IKBKB: variants seen among roughly 807,000 people sequenced by gnomAD.
IKBKB encodes the protein inhibitor of nuclear factor kappa B kinase subunit beta, also known as inhibitor of nuclear factor kappa-B kinase subunit beta.
A neutral mutation model predicts 113.6 loss-of-function variants in IKBKB; 42 were observed. The observed-to-expected ratio is 0.37, with a 90% CI of 0.29 to 0.48. The LOEUF (loss-of-function observed/expected upper bound fraction) is 0.48. Among genes scored for constraint, IKBKB ranks in the 20% least tolerant of loss-of-function variants. The pLI, the probability that IKBKB is intolerant of heterozygous loss-of-function variation, is 0.99. For synonymous variants in IKBKB, 296 were observed against 361.3 expected (o/e 0.82, Z 2.05); for missense variants, 673 against 939.7 (o/e 0.72, Z 3.71).
intron 4 of IKBKB, among the ~76,000 whole-genome samples, chr8:42,291,350 T>G (rs1035374840): frequency 1.3e-5 from 2 of 152,044 alleles, no homozygotes; most frequent in East Asian, 1.9e-4. Context: ...CCTGGCTAAT[T>G]TTTGTATTTT....
intron 5 of IKBKB, among the ~76,000 whole-genome samples, chr8:42,303,142 GAGAA>G (rs1195453718): frequency 9.6e-5 from 12 of 125,034 alleles, no homozygotes; most frequent in African/African-American, 3.2e-4. Flanking sequence ...AGAGAGGAGA[GAGAA>G]TGAGAGAGAG....
chr8:42,275,176 A>AT (rs1373466125), intron 2 of IKBKB, among the ~76,000 whole-genome samples: 98 of 140,118 alleles, frequency 7.0e-4, no homozygotes, highest in East Asian at 1.5e-3. Flanking sequence ...TGTGCCTGGC[A>AT]TTTTTTTTTT....
chr8:42,312,100 A>G (rs1054128111), intron 8 of IKBKB, among the ~76,000 whole-genome samples: 31 of 152,128 alleles, frequency 2.0e-4, no homozygotes, highest in African/African-American at 4.8e-4. Context: ...GTTAGCCAGG[A>G]TGGTCTCGAT....
At chr8:42,307,272 G>A (rs1484967635) in intron 7 of IKBKB, among the ~76,000 whole-genome samples, 5 of 152,144 alleles carry the variant, frequency 3.3e-5, no homozygotes, top group South Asian at 2.1e-4. Flanking sequence ...GGCTGGAACC[G>A]AGCACAAAAG....
rs866755444 is a variant in IKBKB, at chr8:42,328,268, T to A, written c.2115-856T>A. On this transcript the variant is annotated intron_variant, in intron 20 of 21. Coordinates refer to ENST00000520810, the MANE Select transcript of IKBKB (RefSeq NM_001556.3). ...GGCCCTTTTTTTTTTTTTTTTTTTT[T>A]AAATAAAAATTATTTCCCCAACCTC... Among the ~76,000 whole-genome samples the A allele has an allele frequency of 1.4e-3, 209 of 147,634 alleles. 1 individual carries two copies. Among genetic ancestry groups the A allele is most frequent in the African/African-American group, 4.1e-3 (162 of 39,570 alleles).
At chr8:42,306,754 C>G (rs1816620318) in intron 7 of IKBKB, among the ~76,000 whole-genome samples, 1 of 152,210 alleles carries the variant, frequency 6.6e-6, no homozygotes, top group Non-Finnish European at 1.5e-5. Context: ...AGCGGTCCTC[C>G]CACCTCAGCC....
chr8:42,291,636 TCCTCCAGGCCCTTGTG>T lies in IKBKB; in HGVS notation c.318+1368_318+1383del, dbSNP rs374961458. 9.8e-3 allele frequency among the ~76,000 whole-genome samples: 1,492 copies of T among 152,304 alleles called. 26 individuals carry two copies. Among genetic ancestry groups the T allele is most frequent in the African/African-American group, 0.034 (1,416 of 41,570 alleles). On this transcript the variant is annotated intron_variant, in intron 4 of 21. Coordinates refer to ENST00000520810, the MANE Select transcript of IKBKB (RefSeq NM_001556.3). ...ACACTTCAGGTGCTGTTCTCACTGTTCCTCCAGGCCCTTGTGCCTCTTAAAAAAAAATTTTTTTTTC... is the reference window on the plus strand; with the variant it reads ...ACACTTCAGGTGCTGTTCTCACTGTTCCTCTTAAAAAAAAATTTTTTTTTC...
chr8:42,303,060 G>GGAGAGAGAGA (rs34921450), intron 5 of IKBKB, among the ~76,000 whole-genome samples: 6 of 114,246 alleles, frequency 5.3e-5, no homozygotes, highest in African/African-American at 2.2e-4. Flanking sequence ...TTGCCGAGAG[G>GGAGAGAGAGA]GAGAGAGAGA....
chr8:42,295,202 T>A (rs1813503225), intron 5 of IKBKB, among the ~76,000 whole-genome samples: 1 of 137,136 alleles, frequency 7.3e-6, no homozygotes, highest in Non-Finnish European at 1.5e-5. Flanking sequence ...CACTGCAACC[T>A]CTGCCTCCTG....
chr8:42,317,240 T>A (rs1050486483), intron 11 of IKBKB: 19 of 444,330 alleles, frequency 4.3e-5, no homozygotes, highest in Middle Eastern at 6.5e-4. Flanking sequence ...TGCTGCACTT[T>A]CTTGAGTCAA....
At chr8:42,325,875 C>T (rs1820643866) in intron 19 of IKBKB, 95 bp from the exon 20 acceptor site, 1 of 1,561,550 alleles carries the variant, frequency 6.4e-7, no homozygotes. Flanking sequence ...TGGCCTCTGG[C>T]AGCCAGCCAG....
rs1821625073 is a variant in IKBKB at position 42,330,954 on chromosome 8, A to C, written c.2246A>C (p.His749Pro). Residue 749 changes from histidine (H) to proline (P), a missense_variant, in exon 22 of 22, where the codon CAC becomes CCC. Coordinates refer to ENST00000520810, the MANE Select transcript of IKBKB (RefSeq NM_001556.3). Reference protein sequence around the residue: ...WSWLQTEEEEHSCLEQAS With the variant: ...WSWLQTEEEEPSCLEQAS Reference sequence around the variant, plus strand: ...TGGTTACAGACGGAAGAAGAAGAGCACAGCTGCCTGGAGCAGGCCTCATGA... The same window carrying C: ...TGGTTACAGACGGAAGAAGAAGAGCCCAGCTGCCTGGAGCAGGCCTCATGA... The C allele has an allele frequency of 6.2e-7, 1 of 1,614,250 alleles. No individual in the cohort carries two copies. Among genetic ancestry groups the C allele is most frequent in the African/African-American group, 1.3e-5 (1 of 75,078 alleles).
rs772773518 is a variant in IKBKB at position 42,318,618 on chromosome 8, G to C, written c.1307G>C (p.Ser436Thr). ...AAGGTGTGGGGCCAGGTCTGGCACA[G>C]CATCCAGACCCTGAAGGAAGATTGC... ...LRKVWGQVWH[S>T]IQTLKEDCNR... is the part of the protein sequence containing the mutation. Residue 436 changes from serine (S) to threonine (T), a missense_variant, in exon 13 of 22, where the codon AGC (serine) becomes ACC (threonine). Physicochemically the swap from Ser to Thr is moderately conservative, Grantham distance 58. Around this residue, in one of 2 missense-constraint regions of IKBKB, gnomAD observed 506 missense variants for 638.7 expected, o/e 0.79. Transcript: ENST00000520810. 6.2e-7 allele frequency: 1 copy of C among 1,613,708 alleles called. No individual in the cohort carries two copies. Among genetic ancestry groups the C allele is most frequent in the Non-Finnish European group, 8.5e-7 (1 of 1,179,574 alleles).
At chr8:42,290,115 C>G (rs1468375963) in intron 3 of IKBKB, 41 bp from the exon 4 acceptor site, 5 of 1,423,162 alleles carry the variant, frequency 3.5e-6, no homozygotes, top group Non-Finnish European at 2.0e-6. Context: ...TGGGTCTGGG[C>G]AGGAGCCTGG....
intron 8 of IKBKB, among the ~76,000 whole-genome samples, chr8:42,312,784 T>A (rs770200289): frequency 6.6e-6 from 1 of 152,236 alleles, no homozygotes; most frequent in Non-Finnish European, 1.5e-5. Flanking sequence ...CTTCTAGCTT[T>A]CCAGTGCCAG....
chr8:42,319,195 G>A, intron 13 of IKBKB, 75 bp from the exon 14 acceptor site: 5 of 1,341,534 alleles, frequency 3.7e-6, no homozygotes, highest in Non-Finnish European at 4.2e-6. Flanking sequence ...ACATTTGAGG[G>A]GGTTTTGTTA....
chr8:42,273,491 A>T (rs1808265275), intron 2 of IKBKB, among the ~76,000 whole-genome samples: 1 of 151,916 alleles, frequency 6.6e-6, no homozygotes. Flanking sequence ...GCGATACTGC[A>T]CGGCAAAAAA....
chr8:42,277,340 G>A (rs1809389589), intron 2 of IKBKB, among the ~76,000 whole-genome samples: 2 of 151,714 alleles, frequency 1.3e-5, no homozygotes, highest in African/African-American at 4.8e-5. Flanking sequence ...CTGCCACCAT[G>A]CCTGGCTAGT....
intron 7 of IKBKB, among the ~76,000 whole-genome samples, chr8:42,307,844 C>A (rs1407488300): frequency 6.6e-6 from 1 of 152,188 alleles, no homozygotes; most frequent in African/African-American, 2.4e-5. Flanking sequence ...CCCGGAATGT[C>A]TTCTCTTGGT....
Sources: gnomAD v4.1 joint callset for allele counts (sites outside exome capture counted in the v4.1 genomes callset) on GRCh38, gnomAD v4.1.1 for gene constraint, gnomAD v4.1.1 regional missense constraint, MANE v1.5 for transcripts, NCBI Gene and HGNC (gene_info 2026-07-23, HGNC 2026-07-21) for gene names.